The following RFTN1 variants were observed in gnomAD, a reference collection of about 807,000 sequenced individuals.
The protein encoded by RFTN1 is raftlin, lipid raft linker 1.
A neutral mutation model predicts 46.5 loss-of-function variants in RFTN1; 26 were observed. The observed-to-expected ratio is 0.56, with a 90% CI of 0.41 to 0.78. The LOEUF is 0.78. RFTN1 is among the 30% of genes least tolerant of loss of function. The probability of loss-of-function intolerance (pLI) is 0.00; values close to 1 mark genes in which losing one functional copy is unlikely to be tolerated. For synonymous variants in RFTN1, 261 were observed against 284.2 expected, an observed-to-expected ratio of 0.92 and a Z score of 0.82; for missense variants, 693 against 718.7, an observed-to-expected ratio of 0.96 and a Z score of 0.41.
At chr3:16,502,375 C>A (rs1335211337) in intron 1 of RFTN1, among the ~76,000 whole-genome samples, 18 of 147,982 alleles carry the variant, frequency 1.2e-4, no homozygotes, top group Admixed American at 1.1e-3. Context: ...CGGAGTGAGA[C>A]CTTGTCTCAA....
chr3:16,478,928 T>C (rs11128791), intron 2 of RFTN1, among the ~76,000 whole-genome samples: 78,966 of 152,006 alleles, frequency 0.52, 20,739 homozygotes, highest in South Asian at 0.66. Context: ...ACAATCTTTT[T>C]GTAACCTAAT....
In RFTN1 at chr3:16,451,301, G is replaced by A. The variant is rs918151767; in HGVS notation, c.146-17264C>T. On this transcript the variant is annotated intron_variant, in intron 2 of 9. Coordinates refer to ENST00000334133, the MANE Select transcript of RFTN1 (RefSeq NM_015150.2). This position sits in a 1 kb window ranked among gnomAD's most constrained non-coding sequence, Gnocchi z 4.2. ...TCAGTGACCTCCTCTTACCCACCACGTCAGATCCCCCAAAGCCTTCATTCC... is the reference window on the plus strand; with the variant it reads ...TCAGTGACCTCCTCTTACCCACCACATCAGATCCCCCAAAGCCTTCATTCC... Among the ~76,000 whole-genome samples the A allele has an allele frequency of 1.1e-4, 17 of 152,108 alleles. No individual in the cohort carries two copies. Among genetic ancestry groups the A allele is most frequent in the African/African-American group, 3.9e-4 (16 of 41,434 alleles).
intron 9 of RFTN1, among the ~76,000 whole-genome samples, chr3:16,318,172 C>G (rs909930796): frequency 6.6e-6 from 1 of 152,026 alleles, no homozygotes; most frequent in Non-Finnish European, 1.5e-5. Context: ...CGAGAGCGAG[C>G]CCCAGCTCCG....
At chr3:16,350,169 T>C (rs929207275) in intron 7 of RFTN1, 17 of 152,210 alleles carry the variant, frequency 1.1e-4, no homozygotes, top group African/African-American at 3.9e-4. Context: ...TCGTTTAACA[T>C]TTCCTGTAAT....
intron 6 of RFTN1, 54 bp from the exon 7 acceptor site, chr3:16,358,101 A>G (rs558878100): frequency 1.0e-6 from 1 of 972,238 alleles, no homozygotes; most frequent in East Asian, 2.4e-5. Context: ...CGTCTGTGGC[A>G]GAAGTCTTCT....
Position 16,377,874 on chromosome 3 carries a change from T to G in RFTN1, c.670A>C (p.Ser224Arg). 1 of 1,614,222 alleles carries G rather than the reference T, an allele frequency of 6.2e-7. No homozygotes were observed. The highest frequency in any genetic ancestry group is 8.5e-7 in the Non-Finnish European group (1 of 1,180,034). ...PAGRNQSPEP[S>R]SGPRGEVPLA... Reference sequence around the variant, plus strand: ...GGCACCTCCCCTCTGGGGCCTGAGCTGGGCTCTGGGCTTTGGTTTCTCCCA... The same window carrying G: ...GGCACCTCCCCTCTGGGGCCTGAGCGGGGCTCTGGGCTTTGGTTTCTCCCA... Residue 224 changes from serine to arginine, a missense_variant, in exon 5 of 10, where the codon AGC becomes CGC. Transcript: ENST00000334133.
At chr3:16,415,430 T>TATATATACACACACACACACACAC in intron 3 of RFTN1, among the ~76,000 whole-genome samples, 1 of 114,276 alleles carries the variant, frequency 8.8e-6, no homozygotes, top group Non-Finnish European at 2.0e-5. Context: ...TATATATATA[T>TATATATACACACACACACACACAC]ACACACACAC....
chr3:16,388,821 GAC>G (rs1279424098), intron 4 of RFTN1, among the ~76,000 whole-genome samples: 3 of 152,156 alleles, frequency 2.0e-5, no homozygotes, highest in Non-Finnish European at 4.4e-5. Context: ...AAAACAAAAA[GAC>G]AGTTTTTTGG....
At chr3:16,423,139 G>C (rs1457862379) in intron 3 of RFTN1, among the ~76,000 whole-genome samples, 5 of 151,604 alleles carry the variant, frequency 3.3e-5, no homozygotes, top group Non-Finnish European at 2.9e-5. Context: ...CTGCACTCCA[G>C]CCTGGGTGAC....
chr3:16,446,589 A>C lies in RFTN1; in HGVS notation c.146-12552T>G, dbSNP rs1266462393. Among the ~76,000 whole-genome samples the C allele has an allele frequency of 6.6e-6, 1 of 152,186 alleles. No homozygotes were observed. Among genetic ancestry groups the C allele is most frequent in the African/African-American group, 2.4e-5 (1 of 41,452 alleles). On this transcript the variant is annotated intron_variant, in intron 2 of 9. Transcript: ENST00000334133. The surrounding 1 kb of genome is among the most constrained non-coding windows in gnomAD (Gnocchi z 4.5). ...AAAAACATGCCACTGGGAAAATCAA[A>C]GGTTGATATGACAACAAAAGCAAAG...
At position 16,352,404 on chromosome 3, in the gene RFTN1, TTTTCC is replaced by T. The variant is rs2072162753; in HGVS notation, c.1146+5523_1146+5527del. On this transcript the variant is annotated intron_variant, in intron 7 of 9. Coordinates refer to ENST00000334133, the MANE Select transcript of RFTN1 (RefSeq NM_015150.2). This position sits in a 1 kb window ranked among gnomAD's most constrained non-coding sequence, Gnocchi z 4.6. ...TCTTTACCTATTCATCTATGTAGTT[TTTTCC>T]TTTCCTTTCCAAGAATTACCCTTTC... 1.3e-5 allele frequency among the ~76,000 whole-genome samples: 2 copies of T among 152,224 alleles called. No individual in the cohort carries two copies. The highest frequency in any genetic ancestry group is 2.4e-5 in the African/African-American group (1 of 41,450).
Position 16,377,968 on chromosome 3 carries a change from G to A in RFTN1, c.576C>T (p.Asn192=), listed in dbSNP as rs762168167. 1.6e-5 allele frequency: 26 copies of A among 1,614,086 alleles called. No individual in the cohort carries two copies. In the African/African-American group the frequency reaches 2.3e-4, roughly 14 times the overall value. The change falls in exon 5 of 10, where the codon AAC becomes AAT. Residue 192 remains asparagine (N), a synonymous_variant. Transcript: ENST00000334133. ...CCAGTGACGCGTGATCCCCACGTGC[G>A]TTTTTTGCATCTCTGGCATCCTCGG... ...NSTEDARDAK[N]ARGDHASLEN... is the part of the protein sequence containing the mutation.
rs73146242 is a variant in RFTN1 at position 16,490,364 on chromosome 3, G to A, written c.145+3361C>T. Among the ~76,000 whole-genome samples, 765 of 152,328 alleles carry A rather than the reference G, an allele frequency of 5.0e-3. 10 individuals are homozygous for A. Among genetic ancestry groups the A allele is most frequent in the African/African-American group, 0.017 (714 of 41,568 alleles). On this transcript the variant is annotated intron_variant, in intron 2 of 9. Coordinates refer to ENST00000334133, the MANE Select transcript of RFTN1 (RefSeq NM_015150.2). ...TAAGAGGTAGGGGCCTGTGCAGAAA[G>A]AGCTGCCTGCACTGAATCAGAGAAG...
At chr3:16,494,351 C>A (rs758864540) in intron 1 of RFTN1, among the ~76,000 whole-genome samples, 29 of 152,210 alleles carry the variant, frequency 1.9e-4, no homozygotes, top group Non-Finnish European at 3.8e-4. Flanking sequence ...GTCCTTTCTA[C>A]CCTCAACAGT....
chr3:16,434,202 C>T (rs1014473266), intron 2 of RFTN1, among the ~76,000 whole-genome samples, 165 bp from the exon 3 acceptor site: 6 of 152,128 alleles, frequency 3.9e-5, no homozygotes, highest in South Asian at 2.1e-4. Flanking sequence ...AGCAGCCTGT[C>T]GTTTTCCAAA....
chr3:16,392,628 T>C (rs1016132957), intron 4 of RFTN1, among the ~76,000 whole-genome samples: 1 of 150,204 alleles, frequency 6.7e-6, no homozygotes, highest in African/African-American at 2.4e-5. Context: ...TAAGTATATA[T>C]TACTTATACA....
chr3:16,404,157 A>T lies in RFTN1; in HGVS notation c.441+5218T>A, dbSNP rs1479084689. On this transcript the variant is annotated intron_variant, in intron 4 of 9. Transcript: ENST00000334133. ...AATATATAATATACATTTTATATAT[A>T]TTATATATAATATACATTTTATATA... Among the ~76,000 whole-genome samples, 16 of 41,112 alleles carry T rather than the reference A, an allele frequency of 3.9e-4. 4 individuals are homozygous for T. In the East Asian group the frequency reaches 0.013, roughly 34 times the overall value. 27.0% of individuals were successfully genotyped at this position (41,112 alleles called of 152,430 possible). A position where few individuals can be genotyped will look rare whatever the true frequency, so the allele number is the denominator to read the frequency against.
intron 7 of RFTN1, among the ~76,000 whole-genome samples, chr3:16,357,129 CAAAA>C (rs1221412263): frequency 0.089 from 6,803 of 76,870 alleles, 493 homozygotes; most frequent in African/African-American, 0.25. Flanking sequence ...AAAAAAAAAA[CAAAA>C]AAACAAACAA....
intron 1 of RFTN1, among the ~76,000 whole-genome samples, chr3:16,505,398 C>A (rs1278041447): frequency 6.6e-6 from 1 of 152,202 alleles, no homozygotes; most frequent in African/African-American, 2.4e-5. Flanking sequence ...CTCATCTTCT[C>A]TATTAGTCAG....
Sources: gnomAD v4.1 joint callset for allele counts (sites outside exome capture counted in the v4.1 genomes callset) on GRCh38, gnomAD v4.1.1 for gene constraint, Gnocchi (gnomAD v3.1) non-coding constraint, MANE v1.5 for transcripts, NCBI Gene and HGNC (gene_info 2026-07-23, HGNC 2026-07-21) for gene names.